Variants in SMYD2 observed in about 807,000 individuals in gnomAD.
SMYD2 encodes SET and MYND domain containing 2, also known as N-lysine methyltransferase SMYD2.
SMYD2 carries 53 observed loss-of-function variants against 59.1 expected under a neutral mutation model. The observed-to-expected ratio is 0.90, with a 90% CI of 0.72 to 1.13. The LOEUF (loss-of-function observed/expected upper bound fraction) is 1.13, where lower values mean the gene tolerates loss of function less well. Ranked by LOEUF, SMYD2 falls within the 50% of genes most tolerant of loss-of-function variation. SMYD2 has a pLI of 0.00. For synonymous variants in SMYD2, 208 were observed against 198.8 expected (o/e 1.05, Z -0.39); for missense variants, 494 against 544.7 (o/e 0.91, Z 0.93).
rs1656880585 is a variant in SMYD2 at position 214,304,322 on chromosome 1, G to A, written c.174-865G>A. Among the ~76,000 whole-genome samples the A allele has an allele frequency of 2.0e-5, 3 of 152,062 alleles. No homozygotes were observed. In the South Asian group the frequency reaches 6.2e-4, roughly 32 times the overall value. On this transcript the variant is annotated intron_variant, in intron 1 of 11. Transcript: ENST00000366957. ...GCCTATAATACCAGCACTTTGGGAG[G>A]CTGAGGCAGGTGGATGGCTTGAGCC... is the stretch of plus-strand genomic sequence containing the variant.
chr1:214,287,456 G>A (rs1222715285), intron 1 of SMYD2, among the ~76,000 whole-genome samples: 1 of 151,618 alleles, frequency 6.6e-6, no homozygotes, highest in Non-Finnish European at 1.5e-5. Context: ...GCATAGTGGC[G>A]GGCGCCTGTA....
chr1:214,291,288 T>A (rs960734252), intron 1 of SMYD2, among the ~76,000 whole-genome samples: 3 of 152,188 alleles, frequency 2.0e-5, no homozygotes, highest in African/African-American at 7.2e-5. Flanking sequence ...GCAGGAAGAT[T>A]TGTTCTTTTT....
At position 214,336,708 on chromosome 1, in the gene SMYD2, T is replaced by C. The variant is rs1208997094; in HGVS notation, c.1226T>C (p.Ile409Thr). The change falls in exon 12 of 12, where the codon ATT becomes ACT. Residue 409 changes from isoleucine (I) to threonine (T), a missense_variant. By Grantham distance (89) the Ile-to-Thr change is moderately conservative. Coordinates refer to ENST00000366957, the MANE Select transcript of SMYD2 (RefSeq NM_020197.3). ...AAGEKALKKA[I>T]AIMEVAHGKD... Reference sequence around the variant, plus strand: ...GTTTGTCTTGCTTTTTCCTAGGCCATTGCAATCATGGAAGTAGCTCACGGC... The same window carrying C: ...GTTTGTCTTGCTTTTTCCTAGGCCACTGCAATCATGGAAGTAGCTCACGGC... The C allele has an allele frequency of 5.0e-6, 8 of 1,613,626 alleles. No individual in the cohort carries two copies. Among genetic ancestry groups the C allele is most frequent in the Admixed American group, 3.3e-5 (2 of 59,938 alleles).
intron 11 of SMYD2, among the ~76,000 whole-genome samples, chr1:214,335,203 A>G (rs1298611374): frequency 6.6e-6 from 1 of 152,192 alleles, no homozygotes; most frequent in Non-Finnish European, 1.5e-5. Flanking sequence ...TTCCCAATAG[A>G]CTATTTGCGA....
Position 214,324,706 on chromosome 1 carries a change from T to C in SMYD2, c.600T>C (p.Pro200=). 1 of 1,612,048 alleles carries C rather than the reference T, an allele frequency of 6.2e-7. No individual in the cohort carries two copies. Among genetic ancestry groups the C allele is most frequent in the South Asian group, 1.1e-5 (1 of 90,342 alleles). ...CTCATTTGGGATCAGCGATATTTCC[T>C]GAGTAGGCTGTGTTTGACTTCATTT... ...ELSHLGSAIF[P]DVALMNHSCC... Residue 200 remains proline (P), a splice_region_variant and synonymous_variant, in exon 6 of 12, where the codon CCT becomes CCC. Coordinates refer to ENST00000366957, the MANE Select transcript of SMYD2 (RefSeq NM_020197.3).
At chr1:214,298,452 T>G (rs985060935) in intron 1 of SMYD2, among the ~76,000 whole-genome samples, 1 of 152,200 alleles carries the variant, frequency 6.6e-6, no homozygotes. Context: ...GTAAAAATCC[T>G]AGAACACCTA....
intron 2 of SMYD2, among the ~76,000 whole-genome samples, chr1:214,313,996 T>G (rs6670066): frequency 0.82 from 124,008 of 152,066 alleles, 51,292 homozygotes; most frequent in African/African-American, 0.95. Context: ...GGCCAACATC[T>G]TGAAACCCCG....
intron 5 of SMYD2, among the ~76,000 whole-genome samples, chr1:214,319,822 C>T (rs1571930489): frequency 1.3e-5 from 2 of 152,190 alleles, no homozygotes; most frequent in African/African-American, 4.8e-5. Context: ...TAGAATTCTG[C>T]TCCATGGGAG....
At chr1:214,298,957 A>G (rs901453673) in intron 1 of SMYD2, among the ~76,000 whole-genome samples, 31 of 152,232 alleles carry the variant, frequency 2.0e-4, no homozygotes, top group Admixed American at 1.9e-3. Context: ...GTTTGAGACC[A>G]GCCTGGGCAA....
intron 1 of SMYD2, among the ~76,000 whole-genome samples, chr1:214,287,382 T>C (rs1283530332): frequency 6.7e-6 from 1 of 149,534 alleles, no homozygotes; most frequent in Non-Finnish European, 1.5e-5. Context: ...AGGTCAGGAG[T>C]TTGAGACCAG....
At chr1:214,286,243 ATCGCTTGAAGCCAAGATTT>A in intron 1 of SMYD2, among the ~76,000 whole-genome samples, 1 of 152,290 alleles carries the variant, frequency 6.6e-6, no homozygotes, top group African/African-American at 2.4e-5. Flanking sequence ...AGGTGGGAGG[ATCGCTTGAAGCCAAGATTT>A]TGAGACCTGC....
chr1:214,308,835 C>A (rs1009170661), intron 2 of SMYD2, among the ~76,000 whole-genome samples: 4 of 152,188 alleles, frequency 2.6e-5, no homozygotes, highest in Non-Finnish European at 1.5e-5. Context: ...TTACACACTA[C>A]TTGGGGAGGG....
chr1:214,334,535 C>T (rs1332379043), intron 11 of SMYD2, among the ~76,000 whole-genome samples: 1 of 152,116 alleles, frequency 6.6e-6, no homozygotes, highest in Non-Finnish European at 1.5e-5. Context: ...GAATGGGTGC[C>T]CACATCCAGA....
chr1:214,321,506 C>T (rs370838304), intron 5 of SMYD2, among the ~76,000 whole-genome samples: 3 of 152,214 alleles, frequency 2.0e-5, no homozygotes, highest in East Asian at 1.9e-4. Flanking sequence ...CACATGCCAC[C>T]GGTCCCACCT....
At chr1:214,334,941 C>G (rs1426298023) in intron 11 of SMYD2, among the ~76,000 whole-genome samples, 2 of 152,194 alleles carry the variant, frequency 1.3e-5, no homozygotes, top group Non-Finnish European at 2.9e-5. Flanking sequence ...TGGTGGGGAG[C>G]CAGAACCCTG....
At chr1:214,281,459 GAGC>G (rs1558045465) in intron 1 of SMYD2, 32 bp downstream of exon 1, 2 of 1,350,500 alleles carry the variant, frequency 1.5e-6, no homozygotes, top group South Asian at 4.1e-5. Context: ...CGGCGGGCGG[GAGC>G]CGGGGGCGCC....
Position 214,281,433 on chromosome 1 carries a change from GC to G in SMYD2, c.173+7del. ...TGCGAGTACTGCTTCACCAGGTAGG[GC>G]GGCGGCGGCGGCGGCGGCGGGCGGG... On this transcript the variant is annotated splice_region_variant and intron_variant, in intron 1 of 11. Transcript: ENST00000366957. 2 of 1,270,782 alleles carry G rather than the reference GC, an allele frequency of 1.6e-6. No individual in the cohort carries two copies. 78.7% of individuals were successfully genotyped at this position (1,270,782 alleles called of 1,614,324 possible). A position where few individuals can be genotyped will look rare whatever the true frequency, so the allele number is the denominator to read the frequency against.
In SMYD2 at chr1:214,318,070, A is replaced by C; in HGVS notation, c.349-9A>C. 2.5e-6 allele frequency: 4 copies of C among 1,612,782 alleles called. No individual in the cohort carries two copies. The highest frequency in any genetic ancestry group is 3.4e-6 in the Non-Finnish European group (4 of 1,179,348). ...TCTGTATCTGTGTGATTTCTTCCCC[A>C]ATTGCTAGAAAATCCACCCAGAGAG... On this transcript the variant is annotated splice_polypyrimidine_tract_variant and intron_variant, in intron 3 of 11. Coordinates refer to ENST00000366957, the MANE Select transcript of SMYD2 (RefSeq NM_020197.3). This position sits in a 1 kb window ranked among gnomAD's most constrained non-coding sequence, Gnocchi z 5.4.
At chr1:214,330,471 C>T (rs1657334127) in intron 8 of SMYD2, among the ~76,000 whole-genome samples, 193 bp downstream of exon 8, 1 of 152,204 alleles carries the variant, frequency 6.6e-6, no homozygotes, top group Non-Finnish European at 1.5e-5. Flanking sequence ...CTAAAGAAAA[C>T]ATTTCCATTA....
Sources: allele counts gnomAD v4.1 joint callset (sites outside exome capture counted in the v4.1 genomes callset), GRCh38; gene constraint gnomAD v4.1.1; non-coding constraint Gnocchi (gnomAD v3.1); transcripts MANE v1.5; gene names NCBI Gene and HGNC (gene_info 2026-07-23, HGNC 2026-07-21).